CCDC7: variants seen among roughly 807,000 people sequenced by gnomAD.
CCDC7 encodes the protein coiled-coil domain-containing protein 7.
Under a neutral mutation model 196.9 loss-of-function variants are expected in CCDC7, and 183 were observed. The ratio of observed to expected loss-of-function variants is 0.93; its 90% confidence interval spans 0.82 to 1.05. The LOEUF is 1.05. Ranked by LOEUF, CCDC7 falls within the 50% of genes least tolerant of loss-of-function variation. The pLI is 0.00. For synonymous variants in CCDC7, 525 were observed against 484.6 expected (o/e 1.08, Z -1.10); for missense variants, 1,540 against 1,482.2 (o/e 1.04, Z -0.64).
chr10:32,875,310 A>G (rs2136945968), intron 41 of CCDC7, among the ~76,000 whole-genome samples: 1 of 152,128 alleles, frequency 6.6e-6, no homozygotes, highest in South Asian at 2.1e-4. Flanking sequence ...TAATTTTTGT[A>G]TAAGGTTTAA....
chr10:32,716,381 A>C (rs1034576356), intron 25 of CCDC7, among the ~76,000 whole-genome samples: 1 of 152,342 alleles, frequency 6.6e-6, no homozygotes, highest in African/African-American at 2.4e-5. Context: ...CCTGCCTTAC[A>C]AGAGCTCCTG....
intron 21 of CCDC7, among the ~76,000 whole-genome samples, chr10:32,670,720 C>T (rs537952982): frequency 1.3e-5 from 2 of 152,170 alleles, no homozygotes; most frequent in East Asian, 3.9e-4. Context: ...AGGACGTGAA[C>T]TCATCATTTC....
At chr10:32,793,857 T>C (rs1166139841) in intron 29 of CCDC7, among the ~76,000 whole-genome samples, 2 of 152,226 alleles carry the variant, frequency 1.3e-5, no homozygotes, top group African/African-American at 4.8e-5. Context: ...GAATATTCCA[T>C]GTGCTGACAA....
chr10:32,675,612 A>C (rs1011933312), intron 21 of CCDC7: 1 of 152,372 alleles, frequency 6.6e-6, no homozygotes, highest in African/African-American at 2.4e-5. Flanking sequence ...TGATATTTAT[A>C]CTTTCATATA....
At chr10:32,606,493 T>A (rs1466856297) in intron 18 of CCDC7, among the ~76,000 whole-genome samples, 2 of 152,188 alleles carry the variant, frequency 1.3e-5, no homozygotes, top group East Asian at 3.9e-4. Context: ...GGCACTCAAC[T>A]CCAACCTGTA....
intron 28 of CCDC7, among the ~76,000 whole-genome samples, chr10:32,742,449 C>T (rs2086016844): frequency 6.6e-6 from 1 of 152,138 alleles, no homozygotes; most frequent in Non-Finnish European, 1.5e-5. Context: ...TAGTATCGTA[C>T]AGAATAGTTT....
chr10:32,504,460 A>AT (rs1238279671), intron 9 of CCDC7, among the ~76,000 whole-genome samples: 1 of 151,848 alleles, frequency 6.6e-6, no homozygotes, highest in Non-Finnish European at 1.5e-5. Context: ...TATTGGCTTA[A>AT]TTTGTTATTT....
chr10:32,582,877 T>G (rs3006739), intron 16 of CCDC7, among the ~76,000 whole-genome samples, 157 bp from the exon 18 acceptor site: 21,004 of 152,120 alleles, frequency 0.14, 1,750 homozygotes, highest in East Asian at 0.25. Flanking sequence ...TATCTTCAAC[T>G]TGTTACCTAG....
intron 28 of CCDC7, among the ~76,000 whole-genome samples, chr10:32,755,824 T>C (rs72782271): frequency 0.11 from 17,279 of 152,176 alleles, 1,172 homozygotes; most frequent in South Asian, 0.27. Context: ...CAAAGGAGGA[T>C]ATTCAAACCC....
intron 25 of CCDC7, among the ~76,000 whole-genome samples, chr10:32,724,037 C>T (rs1028237990): frequency 6.6e-6 from 1 of 151,814 alleles, no homozygotes; most frequent in African/African-American, 2.4e-5. Flanking sequence ...ATAATTTAAC[C>T]CACCAAGCAA....
intron 28 of CCDC7, among the ~76,000 whole-genome samples, chr10:32,760,357 A>G (rs971124298): frequency 2.6e-5 from 4 of 152,080 alleles, no homozygotes; most frequent in South Asian, 4.2e-4. Context: ...AATGTCCAAC[A>G]ATGATAGACT....
Position 32,544,272 on chromosome 10 carries a change from A to T in CCDC7, c.1105A>T (p.Lys369Ter). 6.2e-7 allele frequency: 1 copy of T among 1,609,156 alleles called. No homozygotes were observed. Among genetic ancestry groups the T allele is most frequent in the South Asian group, 1.1e-5 (1 of 89,974 alleles). Residue 369 changes from lysine (K) to a stop codon, truncating the protein, a stop_gained, in exon 13 of 42, where the codon AAA becomes TAA. Coordinates refer to ENST00000639629, the Ensembl canonical transcript of CCDC7. LOFTEE classifies it high-confidence loss of function. ...GAAGATGTCTCCAGAAAAAGAGTTTAAAATAAAAGAAGATTTGGATCAAGT... is the reference window on the plus strand; with the variant it reads ...GAAGATGTCTCCAGAAAAAGAGTTTTAAATAAAAGAAGATTTGGATCAAGT...
Position 32,755,340 on chromosome 10 carries a change from A to T in CCDC7, c.2906-23637A>T, listed in dbSNP as rs374229418. Among the ~76,000 whole-genome samples, 265 of 152,262 alleles carry T rather than the reference A, an allele frequency of 1.7e-3. 2 individuals carry two copies. The highest frequency in any genetic ancestry group is 4.8e-3 in the African/African-American group (199 of 41,570). On this transcript the variant is annotated intron_variant, in intron 28 of 41. Transcript: ENST00000639629. Reference sequence around the variant, plus strand: ...ATCCTCAAGTGGGTCCCTGATACTCAAGTAGCCTAACTGGGAGATACCTCC... The same window carrying T: ...ATCCTCAAGTGGGTCCCTGATACTCTAGTAGCCTAACTGGGAGATACCTCC...
intron 24 of CCDC7, among the ~76,000 whole-genome samples, chr10:32,695,790 G>A (rs2077634012): frequency 6.6e-6 from 1 of 152,164 alleles, no homozygotes; most frequent in Non-Finnish European, 1.5e-5. Context: ...ATGCCGAAAA[G>A]GGCATTTACA....
Position 32,773,189 on chromosome 10 carries a change from C to T in CCDC7, c.2906-5788C>T, listed in dbSNP as rs141578380. On this transcript the variant is annotated intron_variant, in intron 28 of 41. Coordinates refer to ENST00000639629, the Ensembl canonical transcript of CCDC7. ...GAATTTGACTGGTGACCTGAGCTTCCTATACCTGGATGCTGTTTTCTGTCA... is the reference window on the plus strand; with the variant it reads ...GAATTTGACTGGTGACCTGAGCTTCTTATACCTGGATGCTGTTTTCTGTCA... Among the ~76,000 whole-genome samples, 4 of 152,286 alleles carry T rather than the reference C, an allele frequency of 2.6e-5. No individual in the cohort carries two copies. In the East Asian group the frequency reaches 7.7e-4, roughly 29 times the overall value.
At chr10:32,660,989 C>G (rs1161322664) in intron 20 of CCDC7, among the ~76,000 whole-genome samples, 1 of 139,296 alleles carries the variant, frequency 7.2e-6, no homozygotes, top group African/African-American at 2.7e-5. Context: ...TCTAATTAAA[C>G]TAAAGAGCTT....
intron 20 of CCDC7, among the ~76,000 whole-genome samples, chr10:32,657,181 C>A (rs2070126252): frequency 6.6e-6 from 1 of 152,200 alleles, no homozygotes; most frequent in Admixed American, 6.5e-5. Context: ...TTTCCAGGCA[C>A]ATGATGCAAG....
chr10:32,714,003 G>A (rs1399646207), intron 25 of CCDC7, among the ~76,000 whole-genome samples: 1 of 152,200 alleles, frequency 6.6e-6, no homozygotes, highest in Non-Finnish European at 1.5e-5. Flanking sequence ...GCAACCAAGG[G>A]ACTATCAGCG....
At chr10:32,827,580 T>C (rs2091318211) in intron 32 of CCDC7, among the ~76,000 whole-genome samples, 1 of 135,642 alleles carries the variant, frequency 7.4e-6, no homozygotes, top group East Asian at 2.1e-4. Flanking sequence ...CACTCATAGA[T>C]GGGAGTTGAA....
Sources: allele counts gnomAD v4.1 joint callset (sites outside exome capture counted in the v4.1 genomes callset), GRCh38; gene constraint gnomAD v4.1.1; transcripts MANE v1.5; gene names NCBI Gene and HGNC (gene_info 2026-07-23, HGNC 2026-07-21).